Variants in CABCOCO1 observed in about 807,000 individuals in gnomAD.
CABCOCO1 encodes the protein ciliary-associated calcium-binding coiled-coil protein 1.
In CABCOCO1, 28 loss-of-function variants were observed where a neutral mutation model predicts 35.7. The ratio of observed to expected loss-of-function variants is 0.78; its 90% CI spans 0.58 to 1.07. The LOEUF is 1.07. CABCOCO1 is among the 50% of genes least tolerant of loss of function. The pLI is 0.00. For missense variants in CABCOCO1, 326 were observed against 309.2 expected, an observed-to-expected ratio of 1.05 and a Z score of -0.41; for synonymous variants, 95 against 100.1, an observed-to-expected ratio of 0.95 and a Z score of 0.30.
intron 2 of CABCOCO1, among the ~76,000 whole-genome samples, chr10:61,679,164 T>C (rs1839618922): frequency 6.6e-6 from 1 of 152,084 alleles, no homozygotes; most frequent in African/African-American, 2.4e-5. Flanking sequence ...ACCAAGAGAA[T>C]GCTAATGGTC....
intron 5 of CABCOCO1, among the ~76,000 whole-genome samples, chr10:61,707,679 T>C (rs1227649425): frequency 6.6e-6 from 1 of 152,184 alleles, no homozygotes; most frequent in African/African-American, 2.4e-5. Flanking sequence ...GACAAGCTTA[T>C]GTGTTTTTAA....
chr10:61,741,466 C>T (rs943177266), intron 5 of CABCOCO1, among the ~76,000 whole-genome samples: 1 of 152,114 alleles, frequency 6.6e-6, no homozygotes, highest in African/African-American at 2.4e-5. Context: ...TTGTTTCCTG[C>T]ATAAAATAAC....
intron 1 of CABCOCO1, 115 bp downstream of exon 1, chr10:61,663,147 G>C (rs1032044524): frequency 4.8e-6 from 1 of 209,522 alleles, no homozygotes; most frequent in East Asian, 1.9e-4. Flanking sequence ...AAGAGGCGCC[G>C]CACGTCTGGC....
intron 2 of CABCOCO1, among the ~76,000 whole-genome samples, chr10:61,673,237 A>G (rs1396712771): frequency 6.6e-6 from 1 of 152,240 alleles, no homozygotes; most frequent in Middle Eastern, 3.2e-3. Flanking sequence ...TGTGAATACA[A>G]TGGAATTTAT....
At chr10:61,696,918 G>C (rs1322024066) in intron 5 of CABCOCO1, among the ~76,000 whole-genome samples, 1 of 151,976 alleles carries the variant, frequency 6.6e-6, no homozygotes, top group Non-Finnish European at 1.5e-5. Flanking sequence ...CCAATAAACA[G>C]ATATAAAGAT....
intron 1 of CABCOCO1, among the ~76,000 whole-genome samples, chr10:61,668,703 T>A (rs545716494): frequency 7.9e-5 from 12 of 152,002 alleles, no homozygotes; most frequent in African/African-American, 2.9e-4. Context: ...CTTTTACTTA[T>A]TTTTCTTTCA....
At chr10:61,715,924 C>G (rs1421777103) in intron 5 of CABCOCO1, among the ~76,000 whole-genome samples, 2 of 152,140 alleles carry the variant, frequency 1.3e-5, no homozygotes, top group African/African-American at 2.4e-5. Flanking sequence ...CTCAACCTTT[C>G]TCTCTGGCTG....
At chr10:61,743,919 A>G (rs1478008615) in intron 5 of CABCOCO1, among the ~76,000 whole-genome samples, 2 of 152,130 alleles carry the variant, frequency 1.3e-5, no homozygotes, top group Non-Finnish European at 2.9e-5. Context: ...AACACTCTAC[A>G]TATACTTCTA....
At chr10:61,682,467 T>C (rs1839822550) in intron 3 of CABCOCO1, among the ~76,000 whole-genome samples, 1 of 152,166 alleles carries the variant, frequency 6.6e-6, no homozygotes, top group Admixed American at 6.5e-5. Flanking sequence ...TGTTTACACT[T>C]CAACTAGGTA....
chr10:61,679,392 C>T (rs10821906), intron 2 of CABCOCO1, among the ~76,000 whole-genome samples: 60,527 of 151,852 alleles, frequency 0.4, 14,107 homozygotes, highest in Middle Eastern at 0.54. Flanking sequence ...AGTACCATTC[C>T]AGGAACCCTT....
At chr10:61,761,149 G>T (rs1035926866) in intron 7 of CABCOCO1, 146 bp downstream of exon 7, 26 of 828,654 alleles carry the variant, frequency 3.1e-5, no homozygotes, top group Admixed American at 2.7e-4. Context: ...ATAATTCTCA[G>T]TTGAGTCATC....
intron 3 of CABCOCO1, chr10:61,685,153 G>C (rs1454419925): frequency 6.6e-6 from 1 of 152,072 alleles, no homozygotes; most frequent in African/African-American, 2.4e-5. Flanking sequence ...TTATAAGTCT[G>C]TGGCTGTGGA....
In CABCOCO1 at chr10:61,690,500, T is replaced by C. The variant is rs768889226; in HGVS notation, c.480-49T>C. On this transcript the variant is annotated intron_variant, in intron 4 of 7. Transcript: ENST00000648843. ...ATAAATGTCTTTACATATTGTGTTTTTTTTCCTGAAATCAACTTATCAGAG... is the reference window on the plus strand; with the variant it reads ...ATAAATGTCTTTACATATTGTGTTTCTTTTCCTGAAATCAACTTATCAGAG... 5 of 1,323,570 alleles carry C rather than the reference T, an allele frequency of 3.8e-6. 1 individual carries two copies. The Admixed American group carries it at 5.6e-5, about 15-fold the overall frequency. The allele number at this position is 1,323,570 out of a possible 1,614,324, so 82.0% of individuals were successfully genotyped here. A position where few individuals can be genotyped will look rare whatever the true frequency, so the allele number is the denominator to read the frequency against.
At chr10:61,716,224 ACTGACATAT>A in intron 5 of CABCOCO1, among the ~76,000 whole-genome samples, 1 of 152,312 alleles carries the variant, frequency 6.6e-6, no homozygotes, top group Middle Eastern at 3.4e-3. Flanking sequence ...AAGGAAAATT[ACTGACATAT>A]CTTTGTTATT....
At chr10:61,688,074 G>T (rs1329504839) in intron 4 of CABCOCO1, among the ~76,000 whole-genome samples, 4 of 152,040 alleles carry the variant, frequency 2.6e-5, no homozygotes, top group Non-Finnish European at 5.9e-5. Flanking sequence ...ATACCTAAAT[G>T]ATAGGTTGAT....
chr10:61,671,056 G>A (rs1007431072), intron 1 of CABCOCO1, among the ~76,000 whole-genome samples: 1 of 152,162 alleles, frequency 6.6e-6, no homozygotes, highest in Non-Finnish European at 1.5e-5. Flanking sequence ...GCTGGGCACC[G>A]TGGCCCACGC....
rs1452556980 is a variant in CABCOCO1, at chr10:61,760,061, A to G, written c.555A>G (p.Gln185=). The G allele has an allele frequency of 1.2e-6, 2 of 1,612,376 alleles. No homozygotes were observed. Among genetic ancestry groups the G allele is most frequent in the East Asian group, 2.2e-5 (1 of 44,850 alleles). Residue 185 remains glutamine (Q), a splice_region_variant and synonymous_variant, in exon 6 of 8, where the codon CAA becomes CAG. Coordinates refer to ENST00000648843, the MANE Select transcript of CABCOCO1 (RefSeq NM_001366906.2). ...AREEIVIGTE[Q]VIEVVKSACG... is the part of the protein sequence containing the mutation. ...TTCAACTTTTTTCTTCCCATCAGCA[A>G]GTGATAGAGGTTGTCAAGTCTGCAT...
chr10:61,696,078 A>G (rs542675705), intron 5 of CABCOCO1, among the ~76,000 whole-genome samples: 7 of 152,242 alleles, frequency 4.6e-5, no homozygotes, highest in African/African-American at 1.7e-4. Flanking sequence ...AATAAATATC[A>G]AATGTGTTGC....
intron 5 of CABCOCO1, among the ~76,000 whole-genome samples, chr10:61,733,160 T>C (rs1480656102): frequency 6.6e-6 from 1 of 152,030 alleles, no homozygotes; most frequent in African/African-American, 2.4e-5. Flanking sequence ...ATACATGCGT[T>C]TATCTGTTGT....
Sources: gnomAD v4.1 joint callset for allele counts (sites outside exome capture counted in the v4.1 genomes callset) on GRCh38, gnomAD v4.1.1 for gene constraint, MANE v1.5 for transcripts, NCBI Gene and HGNC (gene_info 2026-07-23, HGNC 2026-07-21) for gene names.